TLL2: variants seen among roughly 807,000 people sequenced by gnomAD.
TLL2 encodes the protein tolloid-like protein 2.
In TLL2, 106 loss-of-function variants were observed where a neutral mutation model predicts 123.0. The ratio of observed to expected loss-of-function variants is 0.86; its 90% CI spans 0.74 to 1.01. The LOEUF is 1.01. Ranked by LOEUF, TLL2 falls within the 50% of genes least tolerant of loss-of-function variation. The pLI, the probability that TLL2 is intolerant of heterozygous loss-of-function variation, is 0.00. For missense variants in TLL2, 1,332 were observed against 1,336.7 expected, an observed-to-expected ratio of 1.00 and a Z score of 0.06; for synonymous variants, 494 against 516.8, an observed-to-expected ratio of 0.96 and a Z score of 0.60.
chr10:96,407,070 A>C (rs1846458469), intron 9 of TLL2, among the ~76,000 whole-genome samples: 2 of 151,832 alleles, frequency 1.3e-5, no homozygotes. Context: ...TCTCATGTTT[A>C]CCAGACCCCT....
intron 5 of TLL2, 128 bp downstream of exon 5, chr10:96,428,503 G>C (rs1452858661): frequency 6.1e-6 from 4 of 653,472 alleles, no homozygotes; most frequent in Middle Eastern, 2.6e-4. Context: ...AGGGCAGAAA[G>C]TTTCTAGCAA....
intron 19 of TLL2, 129 bp downstream of exon 19, chr10:96,373,467 T>G: frequency 1.2e-6 from 1 of 849,378 alleles, no homozygotes; most frequent in Non-Finnish European, 1.8e-6. Flanking sequence ...TAGGACATTT[T>G]ATCACGCACC....
chr10:96,502,721 G>C (rs1847546509), intron 1 of TLL2, among the ~76,000 whole-genome samples: 1 of 152,140 alleles, frequency 6.6e-6, no homozygotes, highest in African/African-American at 2.4e-5. Flanking sequence ...GAGTTAAGAA[G>C]GAAGGTAGCT....
chr10:96,382,148 C>T (rs919694308), intron 16 of TLL2, among the ~76,000 whole-genome samples: 63 of 152,328 alleles, frequency 4.1e-4, no homozygotes, highest in African/African-American at 1.5e-3. Flanking sequence ...TCTCCTGCCT[C>T]AGCCTCCCGA....
intron 2 of TLL2, among the ~76,000 whole-genome samples, chr10:96,473,334 A>G (rs778448867): frequency 6.6e-6 from 1 of 152,146 alleles, no homozygotes; most frequent in Admixed American, 6.5e-5. Flanking sequence ...GGGCGCCTGA[A>G]ATCCCAGCTA....
At chr10:96,431,796 G>T (rs544259662) in intron 4 of TLL2, among the ~76,000 whole-genome samples, 5 of 152,160 alleles carry the variant, frequency 3.3e-5, no homozygotes, top group Admixed American at 2.0e-4. Flanking sequence ...AGGCGCTGGT[G>T]GGGGGAGGGC....
In TLL2 at chr10:96,513,924, T is replaced by G; in HGVS notation, c.-239A>C. On this transcript the variant is annotated 5_prime_UTR_variant, in exon 1 of 21. Transcript: ENST00000357947. ...CGGCCGAGGCTGCGGCGGCTGCGAG[T>G]GTGGCGGTGGCGGCGGTGGTTGGAG... 2.0e-6 allele frequency: 1 copy of G among 495,838 alleles called. No homozygotes were observed. Among genetic ancestry groups the G allele is most frequent in the Non-Finnish European group, 3.5e-6 (1 of 286,984 alleles). The allele number at this position is 495,838 out of a possible 1,614,324, so 30.7% of individuals were successfully genotyped here. A position where few individuals can be genotyped will look rare whatever the true frequency, so the allele number is the denominator to read the frequency against.
chr10:96,374,279 C>T (rs1846113684), intron 18 of TLL2: 1 of 184,414 alleles, frequency 5.4e-6, no homozygotes, highest in Admixed American at 5.6e-5. Flanking sequence ...CTTTACACCC[C>T]TGTGATGTGT....
At position 96,476,236 on chromosome 10, in the gene TLL2, A is replaced by ATTTTTTTT. The variant is rs1333954391; in HGVS notation, c.286+4112_286+4113insAAAAAAAA. 2.4e-4 allele frequency among the ~76,000 whole-genome samples: 5 copies of ATTTTTTTT among 20,448 alleles called. 1 individual carries two copies. The highest frequency in any genetic ancestry group is 5.6e-4 in the African/African-American group (3 of 5,336). 13.4% of individuals were successfully genotyped at this position (20,448 alleles called of 152,430 possible). A position where few individuals can be genotyped will look rare whatever the true frequency, so the allele number is the denominator to read the frequency against. ...TAATTTTATATGTATATATATATAT[A>ATTTTTTTT]TATATTTTATTTTTGTTGTTGTTGT... On this transcript the variant is annotated intron_variant, in intron 2 of 20. Transcript: ENST00000357947.
At chr10:96,452,778 C>T (rs112004307) in intron 2 of TLL2, among the ~76,000 whole-genome samples, 50 of 152,294 alleles carry the variant, frequency 3.3e-4, no homozygotes, top group Non-Finnish European at 5.7e-4. Flanking sequence ...GAAACATCTG[C>T]ACAACTTTGT....
intron 11 of TLL2, 130 bp downstream of exon 11, chr10:96,397,056 C>G (rs1846349274): frequency 1.4e-6 from 1 of 734,396 alleles, no homozygotes; most frequent in Non-Finnish European, 2.2e-6. Flanking sequence ...CAGCTTGCCC[C>G]CTGTGGTGGC....
At chr10:96,506,257 AAAAAAAAAG>A (rs1308655333) in intron 1 of TLL2, among the ~76,000 whole-genome samples, 7 of 135,662 alleles carry the variant, frequency 5.2e-5, no homozygotes, top group Middle Eastern at 3.7e-3. Flanking sequence ...ATCTCAAAAA[AAAAAAAAAG>A]AAAAAAAAAA....
chr10:96,419,818 G>T (rs1367078052), intron 7 of TLL2, among the ~76,000 whole-genome samples: 1 of 152,156 alleles, frequency 6.6e-6, no homozygotes, highest in African/African-American at 2.4e-5. Context: ...TCACTCCCAA[G>T]AGCCATATGT....
Position 96,412,158 on chromosome 10 carries a change from C to T in TLL2, c.1048+1034G>A, listed in dbSNP as rs530198828. Among the ~76,000 whole-genome samples, 13 of 152,310 alleles carry T rather than the reference C, an allele frequency of 8.5e-5. No homozygotes were observed. In the East Asian group the frequency reaches 1.7e-3, roughly 20 times the overall value. On this transcript the variant is annotated intron_variant, in intron 8 of 20. Coordinates refer to ENST00000357947, the MANE Select transcript of TLL2 (RefSeq NM_012465.4). ...TGTGTCCTGTATTTCAGCCCTAACA[C>T]GCCCCCAGATGACTAATAGCTGGAC...
chr10:96,425,025 G>T (rs963061882), intron 5 of TLL2, among the ~76,000 whole-genome samples: 3 of 148,702 alleles, frequency 2.0e-5, no homozygotes, highest in East Asian at 3.9e-4. Context: ...TTTTCACAGA[G>T]AGTTATCTAA....
intron 3 of TLL2, among the ~76,000 whole-genome samples, chr10:96,445,753 C>T (rs117682344): frequency 2.0e-5 from 3 of 152,150 alleles, no homozygotes; most frequent in Non-Finnish European, 4.4e-5. Flanking sequence ...GCCCTTCCAT[C>T]CCTTTCGCCA....
chr10:96,370,902 G>A (rs1422072367), intron 19 of TLL2, among the ~76,000 whole-genome samples: 1 of 152,204 alleles, frequency 6.6e-6, no homozygotes, highest in Non-Finnish European at 1.5e-5. Flanking sequence ...CTGCACCTCA[G>A]GCTCTGGGCT....
chr10:96,391,636 T>C (rs190646225), intron 13 of TLL2, among the ~76,000 whole-genome samples: 1 of 152,200 alleles, frequency 6.6e-6, no homozygotes, highest in East Asian at 1.9e-4. Flanking sequence ...TAATAATTCC[T>C]ACCAGGGGAT....
chr10:96,480,370 C>A lies in TLL2; in HGVS notation c.265G>T (p.Gly89Trp), dbSNP rs1847300402. 6.2e-7 allele frequency: 1 copy of A among 1,614,090 alleles called. No individual in the cohort carries two copies. The highest frequency in any genetic ancestry group is 8.5e-7 in the Non-Finnish European group (1 of 1,180,046). Residue 89 changes from glycine (G) to tryptophan (W), a missense_variant, in exon 2 of 21, where the codon GGG becomes TGG. Gly to Trp is a radical substitution (Grantham distance 184). Coordinates refer to ENST00000357947, the MANE Select transcript of TLL2 (RefSeq NM_012465.4). ...KARDWTKQTV[G>W]ATGHSTGGLE... ...CTACCTGTGCTGTGTCCTGTTGCCC[C>A]CACTGTCTGCTTGGTCCAGTCTCTG...
Sources: gnomAD v4.1 joint callset for allele counts (sites outside exome capture counted in the v4.1 genomes callset) on GRCh38, gnomAD v4.1.1 for gene constraint, MANE v1.5 for transcripts, NCBI Gene and HGNC (gene_info 2026-07-23, HGNC 2026-07-21) for gene names.